ARHGAP39: variants seen among roughly 807,000 people sequenced by gnomAD.
The protein encoded by ARHGAP39 is Rho GTPase activating protein 39.
In ARHGAP39, 44 loss-of-function variants were observed where a neutral mutation model predicts 106.9. That is an observed-to-expected ratio of 0.41 (90% CI 0.32 to 0.53). The LOEUF is 0.53. Among genes scored for constraint, ARHGAP39 ranks in the 20% least tolerant of loss-of-function variants. The pLI is 0.21. For synonymous variants in ARHGAP39, 768 were observed against 693.2 expected (o/e 1.11, Z -1.69); for missense variants, 1,496 against 1,577.3 (o/e 0.95, Z 0.87).
rs1819373113 is a variant in ARHGAP39 at position 144,591,041 on chromosome 8, G to C, written c.81-9764C>G. ...TGACCCTGGAGTGGGGCAATTCCTG[G>C]CAAAGCCCCCATCCCCCTGGTCCAC... is the stretch of plus-strand genomic sequence containing the variant. On this transcript the variant is annotated intron_variant, in intron 2 of 11. Transcript: ENST00000377307. The surrounding 1 kb of genome is among the most constrained non-coding windows in gnomAD (Gnocchi z 5.3). 6.6e-6 allele frequency among the ~76,000 whole-genome samples: 1 copy of C among 152,166 alleles called. No individual in the cohort carries two copies. Among genetic ancestry groups the C allele is most frequent in the Non-Finnish European group, 1.5e-5 (1 of 68,024 alleles).
chr8:144,630,985 C>A (rs1489853637), intron 1 of ARHGAP39, among the ~76,000 whole-genome samples: 1 of 152,260 alleles, frequency 6.6e-6, no homozygotes, highest in Non-Finnish European at 1.5e-5. Context: ...GCACCAACAT[C>A]CCTTGGCTTC....
At chr8:144,571,268 A>T (rs186202299) in intron 3 of ARHGAP39, among the ~76,000 whole-genome samples, 38 of 152,316 alleles carry the variant, frequency 2.5e-4, no homozygotes, top group African/African-American at 8.4e-4. Flanking sequence ...ACCACCATCA[A>T]AAAGCTTATC....
chr8:144,618,827 G>A (rs1314579908), intron 1 of ARHGAP39, among the ~76,000 whole-genome samples: 5 of 152,264 alleles, frequency 3.3e-5, no homozygotes, highest in Admixed American at 2.6e-4. Flanking sequence ...TCCTCCCGAG[G>A]CCCTGTGGCG....
chr8:144,688,801 G>A (rs1205470209), upstream of ARHGAP39, among the ~76,000 whole-genome samples: 1 of 152,134 alleles, frequency 6.6e-6, no homozygotes, highest in African/African-American at 2.4e-5. Context: ...TAAAGATGTC[G>A]AGTCTTCCTA....
the ARHGAP39 span, among the ~76,000 whole-genome samples, chr8:144,694,847 A>C: frequency 8.5e-5 from 13 of 152,252 alleles, no homozygotes; most frequent in South Asian, 2.5e-3. Context: ...GGGACACTGC[A>C]AGTCTCATGG....
chr8:144,577,289 T>C (rs1818812152), intron 3 of ARHGAP39, among the ~76,000 whole-genome samples: 1 of 152,096 alleles, frequency 6.6e-6, no homozygotes, highest in African/African-American at 2.4e-5. Context: ...CGGTTCAACA[T>C]GAGACCAACC....
chr8:144,587,192 C>T (rs1455223512), intron 2 of ARHGAP39, among the ~76,000 whole-genome samples: 1 of 152,216 alleles, frequency 6.6e-6, no homozygotes, highest in African/African-American at 2.4e-5. Flanking sequence ...TATAAGTTGT[C>T]CAGTCTCAGG....
chr8:144,567,270 C>A (rs1818429644), intron 3 of ARHGAP39, among the ~76,000 whole-genome samples: 1 of 152,084 alleles, frequency 6.6e-6, no homozygotes, highest in Admixed American at 6.6e-5. Context: ...TAGGAAAAAC[C>A]AGGCCATACA....
rs569222217 is a variant in ARHGAP39 at position 144,603,153 on chromosome 8, G to A, written c.80+2382C>T. 2.5e-4 allele frequency among the ~76,000 whole-genome samples: 36 copies of A among 144,132 alleles called. 1 individual carries two copies. Among genetic ancestry groups the A allele is most frequent in the African/African-American group, 7.3e-4 (28 of 38,572 alleles). The allele number at this position is 144,132 out of a possible 152,430, so 94.6% of individuals were successfully genotyped here. ...TGCTGGTGTACCTGTGTGCATGTGC[G>A]TGGAGGTGTGTGTGCGAGCTCATGT... On this transcript the variant is annotated intron_variant, in intron 2 of 11. Coordinates refer to ENST00000377307, the MANE Select transcript of ARHGAP39 (RefSeq NM_025251.3).
chr8:144,553,850 C>T (rs538729206), intron 4 of ARHGAP39, among the ~76,000 whole-genome samples: 1 of 152,342 alleles, frequency 6.6e-6, no homozygotes, highest in Admixed American at 6.5e-5. Context: ...AAGGCCTCTT[C>T]TCCCCGCCCA....
chr8:144,537,687 C>A, intron 7 of ARHGAP39, 34 bp downstream of exon 7: 1 of 1,595,080 alleles, frequency 6.3e-7, no homozygotes, highest in East Asian at 2.2e-5. Context: ...GCTGTGCAGA[C>A]GCCGCGCCCA....
intron 3 of ARHGAP39, among the ~76,000 whole-genome samples, chr8:144,570,534 G>C (rs780103316): frequency 1.3e-4 from 20 of 152,148 alleles, no homozygotes; most frequent in Non-Finnish European, 2.6e-4. Flanking sequence ...AACGACAATA[G>C]GAAAAGTCTA....
At chr8:144,597,527 GC>G (rs1819666890) in intron 2 of ARHGAP39, among the ~76,000 whole-genome samples, 1 of 152,194 alleles carries the variant, frequency 6.6e-6, no homozygotes, top group East Asian at 1.9e-4. Flanking sequence ...TGGACAGAGA[GC>G]CCCTCGCTGC....
At chr8:144,689,143 A>AC (rs762592181), upstream of ARHGAP39, among the ~76,000 whole-genome samples, 1 of 151,904 alleles carries the variant, frequency 6.6e-6, no homozygotes, top group Non-Finnish European at 1.5e-5. Context: ...TCCCTGGGCC[A>AC]CCCCGGGGTA....
At chr8:144,589,157 A>T (rs1554602315) in intron 2 of ARHGAP39, among the ~76,000 whole-genome samples, 1 of 152,262 alleles carries the variant, frequency 6.6e-6, no homozygotes, top group Non-Finnish European at 1.5e-5. Context: ...ACCCTGGTGC[A>T]GTGGACACAG....
chr8:144,602,426 T>G (rs1276401522), intron 2 of ARHGAP39, among the ~76,000 whole-genome samples: 4 of 141,784 alleles, frequency 2.8e-5, no homozygotes, highest in Admixed American at 7.1e-5. Flanking sequence ...TGTGTACCTG[T>G]GTGTGTGCAT....
chr8:144,674,340 G>A (rs139910101), intron 1 of ARHGAP39, among the ~76,000 whole-genome samples: 403 of 152,322 alleles, frequency 2.6e-3, no homozygotes, highest in African/African-American at 8.9e-3. Flanking sequence ...TTCCGCATAC[G>A]GGTTGTCTTG....
At chr8:144,637,524 C>T (rs762619623) in intron 1 of ARHGAP39, among the ~76,000 whole-genome samples, 14 of 152,154 alleles carry the variant, frequency 9.2e-5, no homozygotes, top group Admixed American at 2.0e-4. Context: ...GCAGGAAAAT[C>T]GCTTCAACCC....
intron 3 of ARHGAP39, among the ~76,000 whole-genome samples, chr8:144,568,824 A>G (rs1293260076): frequency 6.6e-6 from 1 of 152,198 alleles, no homozygotes; most frequent in Non-Finnish European, 1.5e-5. Context: ...TTAAGAATCC[A>G]ACAAGGGGAG....
Sources: allele counts gnomAD v4.1 joint callset (sites outside exome capture counted in the v4.1 genomes callset), GRCh38; gene constraint gnomAD v4.1.1; non-coding constraint Gnocchi (gnomAD v3.1); transcripts MANE v1.5; gene names NCBI Gene and HGNC (gene_info 2026-07-23, HGNC 2026-07-21).